ZFP62: variants seen among roughly 807,000 people sequenced by gnomAD.
ZFP62 encodes zinc finger protein 62 homolog.
In ZFP62, 44 loss-of-function variants were observed where a neutral mutation model predicts 56.4. The ratio of observed to expected loss-of-function variants is 0.78; its 90% CI spans 0.61 to 1.00. The LOEUF (loss-of-function observed/expected upper bound fraction) is 1.00, where lower values mean the gene tolerates loss of function less well. ZFP62 is among the 50% of genes least tolerant of loss of function. The pLI is 0.00. For synonymous variants in ZFP62, 421 were observed against 388.9 expected (o/e 1.08, Z -0.97); for missense variants, 1,030 against 1,085.7 (o/e 0.95, Z 0.72).
the ZFP62 span, among the ~76,000 whole-genome samples, chr5:180,839,017 A>C: frequency 6.6e-6 from 1 of 152,222 alleles, no homozygotes; most frequent in Non-Finnish European, 1.5e-5. Flanking sequence ...AACATTTATC[A>C]TGAGGGGGTT....
downstream of ZFP62, among the ~76,000 whole-genome samples, chr5:180,846,313 TCTC>T (rs1773410201): frequency 6.6e-6 from 1 of 152,204 alleles, no homozygotes. Context: ...GTGGCCATCC[TCTC>T]CTTTGTTATT....
chr5:180,838,009 G>T, the ZFP62 span, among the ~76,000 whole-genome samples: 1 of 152,138 alleles, frequency 6.6e-6, no homozygotes, highest in Non-Finnish European at 1.5e-5. Flanking sequence ...TGAGGATGTT[G>T]ACTCTCCTTT....
Position 180,847,994 on chromosome 5 carries a change from A to C in ZFP62, c.*798T>G. The stretch of plus-strand genomic sequence containing the variant: ...TGTGTCAAAATCCTCTCCACGGTAG[A>C]ACCTTTTATTGTAGCATAATGTGTG... On this transcript the variant is annotated 3_prime_UTR_variant, in exon 2 of 2. Transcript: ENST00000502412. 1 of 985,454 alleles carries C rather than the reference A, an allele frequency of 1.0e-6. No homozygotes were observed. Among genetic ancestry groups the C allele is most frequent in the Non-Finnish European group, 1.2e-6 (1 of 829,928 alleles). 61.0% of individuals were successfully genotyped at this position (985,454 alleles called of 1,614,324 possible).
chr5:180,832,160 T>C, the ZFP62 span, among the ~76,000 whole-genome samples: 1 of 152,174 alleles, frequency 6.6e-6, no homozygotes, highest in Admixed American at 6.5e-5. Context: ...ACTTCTAATT[T>C]CTTTTTTTCT....
In ZFP62 at chr5:180,848,031, C is replaced by A; in HGVS notation, c.*761G>T. ...TAGCATAATGTGTGAATACCACTTC[C>A]AGGTTATCCCTCATCACAAATTCAT... On this transcript the variant is annotated 3_prime_UTR_variant, in exon 2 of 2. Transcript: ENST00000502412. 2 of 985,410 alleles carry A rather than the reference C, an allele frequency of 2.0e-6. No homozygotes were observed. The highest frequency in any genetic ancestry group is 2.4e-6 in the Non-Finnish European group (2 of 829,924). 61.0% of individuals were successfully genotyped at this position (985,410 alleles called of 1,614,324 possible).
intron 1 of ZFP62, among the ~76,000 whole-genome samples, chr5:180,860,882 G>A (rs997774446): frequency 6.6e-6 from 1 of 152,132 alleles, no homozygotes; most frequent in Non-Finnish European, 1.5e-5. Context: ...ATCCAAAACA[G>A]GGATGAATAG....
the ZFP62 span, among the ~76,000 whole-genome samples, chr5:180,833,436 G>A: frequency 7.6e-5 from 11 of 145,416 alleles, no homozygotes; most frequent in East Asian, 2.1e-4. Flanking sequence ...CTGAGACTGC[G>A]CCACTGCACT....
At chr5:180,860,273 G>C (rs1774231957) in intron 1 of ZFP62, among the ~76,000 whole-genome samples, 1 of 152,302 alleles carries the variant, frequency 6.6e-6, no homozygotes, top group South Asian at 2.1e-4. Context: ...TAAGCGGGAT[G>C]GGAAGAAATC....
rs1756070671 is a variant in ZFP62 at position 180,861,229 on chromosome 5, G to A, written c.-10C>T. 31 of 398,104 alleles carry A rather than the reference G, an allele frequency of 7.8e-5. No individual in the cohort carries two copies. In the South Asian group the frequency reaches 2.9e-3, roughly 38 times the overall value. 24.7% of individuals were successfully genotyped at this position (398,104 alleles called of 1,614,324 possible). A position where few individuals can be genotyped will look rare whatever the true frequency, so the allele number is the denominator to read the frequency against. ...CGCGGACTCACGTACTGGCTGTGGC[G>A]GCGCCGCGGGAACCCGGCCGCCAGC... On this transcript the variant is annotated 5_prime_UTR_variant, in exon 1 of 2. Coordinates refer to ENST00000502412, the MANE Select transcript of ZFP62 (RefSeq NM_001172638.2).
chr5:180,836,690 TGTC>T, the ZFP62 span, among the ~76,000 whole-genome samples: 13 of 152,260 alleles, frequency 8.5e-5, no homozygotes, highest in East Asian at 5.8e-4. Context: ...AAACCAGTCT[TGTC>T]GTGAAAATGT....
chr5:180,845,944 T>G, downstream of ZFP62: 1 of 747,810 alleles, frequency 1.3e-6, no homozygotes, highest in Non-Finnish European at 1.6e-6. Flanking sequence ...CATGCACTCC[T>G]ATGGAAGGCT....
Position 180,850,026 on chromosome 5 carries a change from G to A in ZFP62, c.1469C>T (p.Ser490Phe), listed in dbSNP as rs1208475216. Reference sequence around the variant, plus strand: ...GATTCCTTTGTGATTTTTAAGGCTAGAGCGTGAGATATAGGCTTTCCCACA... The same window carrying A: ...GATTCCTTTGTGATTTTTAAGGCTAAAGCGTGAGATATAGGCTTTCCCACA... ...DVCGKAYISR[S>F]SLKNHKGIHL... Residue 490 changes from serine to phenylalanine, a missense_variant, in exon 2 of 2, where the codon TCT (serine) becomes TTT (phenylalanine). By Grantham distance (155) the Ser-to-Phe change is radical. Transcript: ENST00000502412. 6.4e-7 allele frequency: 1 copy of A among 1,551,626 alleles called. No homozygotes were observed. Among genetic ancestry groups the A allele is most frequent in the African/African-American group, 1.4e-5 (1 of 73,028 alleles).
the ZFP62 span, chr5:180,831,071 G>T: frequency 6.6e-6 from 1 of 152,478 alleles, no homozygotes; most frequent in African/African-American, 2.4e-5. Flanking sequence ...TACTGGGGCT[G>T]CATCACCCTA....
Position 180,850,503 on chromosome 5 carries a change from T to A in ZFP62, c.992A>T (p.His331Leu). The A allele has an allele frequency of 6.4e-7, 1 of 1,552,804 alleles. No homozygotes were observed. ...ACATTTATAGGGTTTATCTCCAAAGTGGATGCTTTTATGGTTGAGAAGTGT... is the reference window on the plus strand; with the variant it reads ...ACATTTATAGGGTTTATCTCCAAAGAGGATGCTTTTATGGTTGAGAAGTGT... ...CRTLLNHKSI[H>L]FGDKPYKCDE... The change falls in exon 2 of 2, where the codon CAC becomes CTC. Residue 331 changes from histidine (H) to leucine (L), a missense_variant. Transcript: ENST00000502412.
Position 180,850,094 on chromosome 5 carries a change from G to A in ZFP62, c.1401C>T (p.His467=), listed in dbSNP as rs1305585748. ...GTTTTTCCCCAGTATGGAGCCTCCT[G>A]TGGACTTTGAGGCCTGCATTGTTTC... The part of the protein sequence containing the change: ...TFRNNAGLKV[H]RRLHTGEKPY... Residue 467 remains histidine, a synonymous_variant, in exon 2 of 2, where the codon CAC becomes CAT. Coordinates refer to ENST00000502412, the MANE Select transcript of ZFP62 (RefSeq NM_001172638.2). 3.2e-6 allele frequency: 5 copies of A among 1,551,694 alleles called. No individual in the cohort carries two copies. In the African/African-American group the frequency reaches 5.5e-5, roughly 17 times the overall value.
At chr5:180,834,798 A>C in the ZFP62 span, 28 of 152,210 alleles carry the variant, frequency 1.8e-4, no homozygotes, top group African/African-American at 6.8e-4. Flanking sequence ...ACTTGACAGG[A>C]TTGAGGGATG....
the ZFP62 span, among the ~76,000 whole-genome samples, chr5:180,837,549 T>C: frequency 6.6e-6 from 1 of 152,226 alleles, no homozygotes; most frequent in African/African-American, 2.4e-5. Context: ...GGGAAGCTCC[T>C]AATCCCTGAG....
the ZFP62 span, among the ~76,000 whole-genome samples, chr5:180,841,182 G>T: frequency 6.6e-6 from 1 of 152,110 alleles, no homozygotes; most frequent in East Asian, 1.9e-4. Flanking sequence ...GAAAGAAAAT[G>T]AACTTGCTGG....
At chr5:180,832,720 G>C in the ZFP62 span, 1 of 152,174 alleles carries the variant, frequency 6.6e-6, no homozygotes, top group Admixed American at 6.5e-5. Flanking sequence ...TTCTGAAACA[G>C]CAGTTCTCAA....
Sources: allele counts gnomAD v4.1 joint callset (sites outside exome capture counted in the v4.1 genomes callset), GRCh38; gene constraint gnomAD v4.1.1; transcripts MANE v1.5; gene names NCBI Gene and HGNC (gene_info 2026-07-23, HGNC 2026-07-21).